Variants in TMEM245 observed in about 807,000 individuals in gnomAD.
The protein encoded by TMEM245 is protein CG-2.
Under a neutral mutation model 101.2 loss-of-function variants are expected in TMEM245, and 69 were observed. That is an observed-to-expected ratio of 0.68 (90% CI 0.56 to 0.83). TMEM245 has a LOEUF of 0.83. Ranked by LOEUF, TMEM245 falls within the 40% of genes least tolerant of loss-of-function variation. The pLI is 0.00. For missense variants in TMEM245, 1,075 were observed against 1,092.8 expected (o/e 0.98, Z 0.23); for synonymous variants, 537 against 449.8 (o/e 1.19, Z -2.45).
intron 17 of TMEM245, among the ~76,000 whole-genome samples, chr9:109,022,296 T>C (rs1827651969): frequency 6.6e-6 from 1 of 152,252 alleles, no homozygotes; most frequent in Non-Finnish European, 1.5e-5. Context: ...CTCCTGGCTA[T>C]GGCTCCTGAG....
chr9:109,041,490 G>C (rs916081651), intron 14 of TMEM245, among the ~76,000 whole-genome samples: 2 of 131,454 alleles, frequency 1.5e-5, no homozygotes, highest in South Asian at 2.5e-4. Context: ...TTGAGACTGG[G>C]TGTCAATCTG....
At chr9:109,021,828 CAAGG>C (rs1827635195) in intron 17 of TMEM245, among the ~76,000 whole-genome samples, 1 of 151,838 alleles carries the variant, frequency 6.6e-6, no homozygotes, top group African/African-American at 2.4e-5. Flanking sequence ...CCAAAAAAAG[CAAGG>C]AAGGGAGGGA....
chr9:109,086,075 T>C (rs1829826639), intron 6 of TMEM245, 55 bp from the exon 7 acceptor site: 2 of 1,562,372 alleles, frequency 1.3e-6, no homozygotes, highest in Non-Finnish European at 8.8e-7. Flanking sequence ...GGAGTATCAT[T>C]AGAGAATGCA....
chr9:109,044,458 T>C lies in TMEM245; in HGVS notation c.2123+5825A>G, dbSNP rs189937778. 5.9e-5 allele frequency among the ~76,000 whole-genome samples: 9 copies of C among 152,292 alleles called. No individual in the cohort carries two copies. In the East Asian group the frequency reaches 1.7e-3, roughly 29 times the overall value. ...GAGTGAAGAGTCCAAAGTGAAATTC[T>C]GCCTCCTCCACATTTCCTTACACTG... On this transcript the variant is annotated intron_variant, in intron 14 of 17. Transcript: ENST00000374586.
intron 17 of TMEM245, among the ~76,000 whole-genome samples, chr9:109,032,867 G>A (rs1317773857): frequency 7.3e-6 from 1 of 136,536 alleles, no homozygotes; most frequent in Non-Finnish European, 1.6e-5. Flanking sequence ...GGCACAATCT[G>A]GGCTCACTGC....
intron 14 of TMEM245, among the ~76,000 whole-genome samples, chr9:109,041,812 A>C (rs1184431834): frequency 6.6e-6 from 1 of 152,054 alleles, no homozygotes; most frequent in Non-Finnish European, 1.5e-5. Flanking sequence ...TTTATTACAA[A>C]CTATAAATAT....
chr9:109,083,916 A>AAAAAAAAAAC (rs1829751747), intron 7 of TMEM245, among the ~76,000 whole-genome samples: 1 of 132,502 alleles, frequency 7.5e-6, no homozygotes, highest in Non-Finnish European at 1.6e-5. Flanking sequence ...AAAAAAAAAA[A>AAAAAAAAAAC]AAAAAAAAAA....
At chr9:109,042,694 T>C (rs1386502967) in intron 14 of TMEM245, among the ~76,000 whole-genome samples, 2 of 152,080 alleles carry the variant, frequency 1.3e-5, no homozygotes, top group Admixed American at 6.6e-5. Context: ...AATTCCATCA[T>C]TTTAATGTAT....
intron 8 of TMEM245, among the ~76,000 whole-genome samples, chr9:109,077,394 C>A (rs1382713239): frequency 6.6e-6 from 1 of 152,174 alleles, no homozygotes; most frequent in African/African-American, 2.4e-5. Flanking sequence ...GTCAAGGGAT[C>A]CACCTGCCTC....
intron 10 of TMEM245, among the ~76,000 whole-genome samples, chr9:109,061,182 G>A (rs942482806): frequency 2.0e-5 from 3 of 152,136 alleles, no homozygotes; most frequent in Non-Finnish European, 4.4e-5. Flanking sequence ...CAAGTGTGGT[G>A]GCGCATGCCT....
At chr9:109,037,816 G>A (rs1204642765) in intron 15 of TMEM245, among the ~76,000 whole-genome samples, 1 of 152,112 alleles carries the variant, frequency 6.6e-6, no homozygotes, top group Non-Finnish European at 1.5e-5. Context: ...TATGTGCTGG[G>A]TATGGTTCCA....
chr9:109,097,596 T>C (rs1336758654), intron 3 of TMEM245, among the ~76,000 whole-genome samples: 1 of 152,170 alleles, frequency 6.6e-6, no homozygotes, highest in Non-Finnish European at 1.5e-5. Flanking sequence ...TAAATTCGTA[T>C]CTCATTTGAG....
chr9:109,068,569 G>A (rs1206032113), intron 9 of TMEM245, among the ~76,000 whole-genome samples: 4 of 149,048 alleles, frequency 2.7e-5, no homozygotes, highest in Non-Finnish European at 6.0e-5. Flanking sequence ...AACCCAGGAG[G>A]TGAAGGTTGC....
chr9:109,085,695 G>C (rs1829810562), intron 7 of TMEM245, among the ~76,000 whole-genome samples: 1 of 152,178 alleles, frequency 6.6e-6, no homozygotes, highest in African/African-American at 2.4e-5. Context: ...AAGGAGACTA[G>C]AATATCAGGC....
In TMEM245 at chr9:109,096,735, C is replaced by T. The variant is rs142211233; in HGVS notation, c.800-3144G>A. ...AAGAATTCTCTCTTACATAAGATTA[C>T]AGACTAGTCAAGGGTCTTTAATTAC... On this transcript the variant is annotated intron_variant, in intron 3 of 17. Transcript: ENST00000374586. Among the ~76,000 whole-genome samples, 708 of 152,320 alleles carry T rather than the reference C, an allele frequency of 4.6e-3. 5 individuals are homozygous for T. The highest frequency in any genetic ancestry group is 8.2e-3 in the Non-Finnish European group (560 of 68,032).
chr9:109,042,993 A>G (rs561504764), intron 14 of TMEM245, among the ~76,000 whole-genome samples: 1 of 151,992 alleles, frequency 6.6e-6, no homozygotes, highest in African/African-American at 2.4e-5. Flanking sequence ...CTACAGACGC[A>G]CACACAACCC....
chr9:109,099,959 C>G (rs902058944), intron 3 of TMEM245, among the ~76,000 whole-genome samples: 3 of 152,208 alleles, frequency 2.0e-5, no homozygotes, highest in African/African-American at 7.2e-5. Flanking sequence ...GCAAGAAGAT[C>G]CTCACCAGAT....
chr9:109,038,803 C>G (rs1828216384), intron 14 of TMEM245: 1 of 152,200 alleles, frequency 6.6e-6, no homozygotes, highest in Non-Finnish European at 1.5e-5. Context: ...TATAGGAATT[C>G]AATACATGAA....
At chr9:109,092,856 C>T (rs1476414178) in intron 4 of TMEM245, among the ~76,000 whole-genome samples, 3 of 152,122 alleles carry the variant, frequency 2.0e-5, no homozygotes, top group Non-Finnish European at 2.9e-5. Flanking sequence ...AGCCAGGCCA[C>T]ACAGGACAAC....
Sources: gnomAD v4.1 joint callset for allele counts (sites outside exome capture counted in the v4.1 genomes callset) on GRCh38, gnomAD v4.1.1 for gene constraint, MANE v1.5 for transcripts, NCBI Gene and HGNC (gene_info 2026-07-23, HGNC 2026-07-21) for gene names.